Variants in HERC6 observed in about 807,000 individuals in gnomAD.
HERC6 encodes HECT and RLD domain containing E3 ubiquitin protein ligase family member 6.
In HERC6, 101 loss-of-function variants were observed where a neutral mutation model predicts 114.5. The observed-to-expected ratio is 0.88, with a 90% CI of 0.75 to 1.04. HERC6 has a LOEUF of 1.04. HERC6 is among the 50% of genes least tolerant of loss of function. The pLI is 0.00. For synonymous variants in HERC6, 408 were observed against 436.2 expected, an observed-to-expected ratio of 0.94 and a Z score of 0.81; for missense variants, 1,133 against 1,230.9, an observed-to-expected ratio of 0.92 and a Z score of 1.19.
chr4:88,380,673 C>T (rs1734270918), intron 1 of HERC6, among the ~76,000 whole-genome samples: 1 of 149,362 alleles, frequency 6.7e-6, no homozygotes, highest in Non-Finnish European at 1.5e-5. Context: ...GCCGAAATCG[C>T]GACACTGCAC....
At position 88,439,842 on chromosome 4, in the gene HERC6, C is replaced by CTT. The variant is rs537714979; in HGVS notation, c.2556-14_2556-13dup. ...TAATCATTGGCCTTTTCCTTCCTTT[C>CTT]TTTTTTTTTTTTTTTTTTTGCTTCC... is the stretch of plus-strand genomic sequence containing the variant. On this transcript the variant is annotated intron_variant, in intron 20 of 22. Transcript: ENST00000264346. 6.6e-4 allele frequency: 658 copies of CTT among 999,464 alleles called. 2 individuals are homozygous for CTT. The highest frequency in any genetic ancestry group is 8.3e-4 in the Middle Eastern group (3 of 3,594). The allele number at this position is 999,464 out of a possible 1,614,324, so 61.9% of individuals were successfully genotyped here.
chr4:88,436,153 G>A (rs147744346), intron 18 of HERC6, among the ~76,000 whole-genome samples: 46 of 152,256 alleles, frequency 3.0e-4, no homozygotes, highest in African/African-American at 1.1e-3. Flanking sequence ...GGAAACAGTT[G>A]CTTCAGAGAG....
chr4:88,387,714 C>T (rs1318493408), intron 3 of HERC6, among the ~76,000 whole-genome samples: 1 of 152,162 alleles, frequency 6.6e-6, no homozygotes, highest in African/African-American at 2.4e-5. Flanking sequence ...AATATTGATA[C>T]CTAACTTGAA....
chr4:88,421,390 G>T (rs185330101), intron 13 of HERC6, among the ~76,000 whole-genome samples: 94 of 151,244 alleles, frequency 6.2e-4, no homozygotes, highest in Non-Finnish European at 1.9e-4. Context: ...ACACCATTTT[G>T]TATTACCACT....
At chr4:88,406,164 G>A (rs1036280927) in intron 10 of HERC6, among the ~76,000 whole-genome samples, 1 of 152,252 alleles carries the variant, frequency 6.6e-6, no homozygotes, top group Non-Finnish European at 1.5e-5. Flanking sequence ...GTGTAAAAGG[G>A]AAGAGAAGGA....
At position 88,431,324 on chromosome 4, in the gene HERC6, T is replaced by C. The variant is rs192032516; in HGVS notation, c.2250+19T>C. Reference sequence around the variant, plus strand: ...TGCCAAGGTAAGTCTTTTCTTTTTTTTTTTTCCCCCAGAACAGAAAAGGCA... The same window carrying C: ...TGCCAAGGTAAGTCTTTTCTTTTTTCTTTTTCCCCCAGAACAGAAAAGGCA... On this transcript the variant is annotated intron_variant, in intron 17 of 22. Coordinates refer to ENST00000264346, the MANE Select transcript of HERC6 (RefSeq NM_017912.4). The C allele has an allele frequency of 1.5e-5, 23 of 1,582,082 alleles. No individual in the cohort carries two copies. The African/African-American group carries it at 2.1e-4, about 14-fold the overall frequency.
At chr4:88,436,723 C>T (rs906650589) in intron 18 of HERC6, among the ~76,000 whole-genome samples, 182 bp from the exon 19 acceptor site, 5 of 151,980 alleles carry the variant, frequency 3.3e-5, no homozygotes, top group Admixed American at 1.3e-4. Flanking sequence ...TAACAATGGT[C>T]CAACAAATCA....
At chr4:88,384,836 A>G (rs1351162390) in intron 2 of HERC6, among the ~76,000 whole-genome samples, 3 of 152,162 alleles carry the variant, frequency 2.0e-5, no homozygotes, top group Admixed American at 1.3e-4. Context: ...CCTGGCCAAC[A>G]TGGTGAAACC....
Position 88,437,691 on chromosome 4 carries a change from T to G in HERC6, c.2485-20T>G, listed in dbSNP as rs1197993336. On this transcript the variant is annotated intron_variant, in intron 19 of 22. Transcript: ENST00000264346. Reference sequence around the variant, plus strand: ...CAAACTTACTTTGATATTTGGTACCTGAATACATTTTGGTTACAGATACAC... The same window carrying G: ...CAAACTTACTTTGATATTTGGTACCGGAATACATTTTGGTTACAGATACAC... 1 of 1,513,880 alleles carries G rather than the reference T, an allele frequency of 6.6e-7. No individual in the cohort carries two copies. Among genetic ancestry groups the G allele is most frequent in the Non-Finnish European group, 9.1e-7 (1 of 1,099,262 alleles). 93.8% of individuals were successfully genotyped at this position (1,513,880 alleles called of 1,614,324 possible). A position where few individuals can be genotyped will look rare whatever the true frequency, so the allele number is the denominator to read the frequency against.
At chr4:88,410,012 G>T (rs1029846109) in intron 11 of HERC6, among the ~76,000 whole-genome samples, 1 of 152,182 alleles carries the variant, frequency 6.6e-6, no homozygotes, top group African/African-American at 2.4e-5. Flanking sequence ...CCACTTCTTG[G>T]TTAATAGATG....
At chr4:88,404,707 G>C (rs185824552) in intron 8 of HERC6, among the ~76,000 whole-genome samples, 169 bp from the exon 9 acceptor site, 124 of 152,004 alleles carry the variant, frequency 8.2e-4, no homozygotes, top group African/African-American at 2.8e-3. Flanking sequence ...AGTGGCCCAG[G>C]CTAGGAGGTG....
intron 14 of HERC6, 136 bp from the exon 15 acceptor site, chr4:88,424,459 A>G: frequency 2.9e-6 from 2 of 685,310 alleles, no homozygotes; most frequent in Non-Finnish European, 5.0e-6. Flanking sequence ...AGCCTGGGCA[A>G]TAGAACAAGA....
At chr4:88,433,517 T>C (rs1029062069) in intron 17 of HERC6, among the ~76,000 whole-genome samples, 2 of 152,134 alleles carry the variant, frequency 1.3e-5, no homozygotes, top group African/African-American at 4.8e-5. Flanking sequence ...TAATGGGTTA[T>C]CATGGGAGTG....
chr4:88,433,755 C>G (rs571580463), intron 17 of HERC6, among the ~76,000 whole-genome samples: 132 of 152,260 alleles, frequency 8.7e-4, no homozygotes, highest in African/African-American at 3.1e-3. Flanking sequence ...TTATAAGCAA[C>G]AGAAAATGAA....
intron 5 of HERC6, 53 bp downstream of exon 5, chr4:88,393,635 A>T (rs556012168): frequency 9.4e-7 from 1 of 1,061,400 alleles, no homozygotes; most frequent in South Asian, 1.4e-5. Context: ...TGGTAACAAG[A>T]TACATATGTA....
chr4:88,390,891 G>A lies in HERC6; in HGVS notation c.664+12G>A. 2 of 1,597,842 alleles carry A rather than the reference G, an allele frequency of 1.3e-6. No individual in the cohort carries two copies. Among genetic ancestry groups the A allele is most frequent in the Non-Finnish European group, 1.7e-6 (2 of 1,169,350 alleles). On this transcript the variant is annotated intron_variant, in intron 4 of 22. Coordinates refer to ENST00000264346, the MANE Select transcript of HERC6 (RefSeq NM_017912.4). ...GCGTAATGTCCCAGGTAAGGAGATAGTCTTGTTTGTGCAGTAAATCATTCT... is the reference window on the plus strand; with the variant it reads ...GCGTAATGTCCCAGGTAAGGAGATAATCTTGTTTGTGCAGTAAATCATTCT...
Position 88,442,503 on chromosome 4 carries a change from C to G in HERC6, c.*43C>G, listed in dbSNP as rs896277402. 2 of 1,391,400 alleles carry G rather than the reference C, an allele frequency of 1.4e-6. No homozygotes were observed. The highest frequency in any genetic ancestry group is 2.8e-5 in the African/African-American group (2 of 70,396). The allele number at this position is 1,391,400 out of a possible 1,614,324, so 86.2% of individuals were successfully genotyped here. ...AGGGTGGGCTTTCTCACACTTGGATCCTTCTGTTCTTCCTTACACCTAAAT... is the reference window on the plus strand; with the variant it reads ...AGGGTGGGCTTTCTCACACTTGGATGCTTCTGTTCTTCCTTACACCTAAAT... On this transcript the variant is annotated 3_prime_UTR_variant, in exon 23 of 23. Coordinates refer to ENST00000264346, the MANE Select transcript of HERC6 (RefSeq NM_017912.4).
In HERC6 at chr4:88,404,876, G is replaced by A. The variant is rs764307920; in HGVS notation, c.1093G>A (p.Asp365Asn). Residue 365 changes from aspartate (D) to asparagine (N), a missense_variant and splice_region_variant, in exon 9 of 23, where the codon GAT becomes AAT. Coordinates refer to ENST00000264346, the MANE Select transcript of HERC6 (RefSeq NM_017912.4). ...ATTCTTGTTTCTTCCTTCCCTGAAGGATACTAGTTCCACACGTGCTCCCGG... is the reference window on the plus strand; with the variant it reads ...ATTCTTGTTTCTTCCTTCCCTGAAGAATACTAGTTCCACACGTGCTCCCGG... The part of the protein sequence containing the change: ...TYANFVTTHQ[D>N]TSSTRAPGKT... 1.2e-6 allele frequency: 2 copies of A among 1,613,180 alleles called. No homozygotes were observed. Among genetic ancestry groups the A allele is most frequent in the African/African-American group, 1.3e-5 (1 of 75,008 alleles).
intron 2 of HERC6, among the ~76,000 whole-genome samples, chr4:88,384,246 A>G (rs139446933): frequency 1.2e-4 from 19 of 152,312 alleles, no homozygotes; most frequent in African/African-American, 3.6e-4. Flanking sequence ...ATAAAACTTT[A>G]CTTTGGGATA....
Sources: gnomAD v4.1 joint callset for allele counts (sites outside exome capture counted in the v4.1 genomes callset) on GRCh38, gnomAD v4.1.1 for gene constraint, MANE v1.5 for transcripts, NCBI Gene and HGNC (gene_info 2026-07-23, HGNC 2026-07-21) for gene names.